Variants in MBOAT1 observed in about 807,000 individuals in gnomAD.
MBOAT1 encodes the protein membrane-bound glycerophospholipid O-acyltransferase 1.
In MBOAT1, 67 loss-of-function variants were observed where a neutral mutation model predicts 64.4. That is an observed-to-expected ratio of 1.04 (90% CI 0.85 to 1.27). The LOEUF is 1.27. Ranked by LOEUF, MBOAT1 falls within the 50% of genes most tolerant of loss-of-function variation. The pLI, the probability that MBOAT1 is intolerant of heterozygous loss-of-function variation, is 0.00. For synonymous variants in MBOAT1, 229 were observed against 218.9 expected (o/e 1.05, Z -0.41); for missense variants, 563 against 604.6 (o/e 0.93, Z 0.72).
rs70990010 is a variant in MBOAT1, at chr6:20,139,546, C to CTT, written c.419+4672_419+4673dup. On this transcript the variant is annotated intron_variant, in intron 4 of 12. Transcript: ENST00000324607. ...CACAAAAATACACTCACATTTTAAC[C>CTT]TTTTTTTTTTTTTTTTTTTTTTTTT... 6.1e-3 allele frequency among the ~76,000 whole-genome samples: 423 copies of CTT among 69,228 alleles called. 34 individuals carry two copies. The highest frequency in any genetic ancestry group is 0.017 in the African/African-American group (314 of 18,480). The allele number at this position is 69,228 out of a possible 152,430, so 45.4% of individuals were successfully genotyped here.
chr6:20,149,352 C>A (rs1228728882), intron 3 of MBOAT1, among the ~76,000 whole-genome samples: 6 of 152,054 alleles, frequency 3.9e-5, no homozygotes, highest in Non-Finnish European at 5.9e-5. Flanking sequence ...GAAAAATGGA[C>A]CACATCCCAT....
At chr6:20,181,703 C>G (rs1418284098) in intron 1 of MBOAT1, among the ~76,000 whole-genome samples, 1 of 152,214 alleles carries the variant, frequency 6.6e-6, no homozygotes, top group South Asian at 2.1e-4. Context: ...AACACACACC[C>G]TGTGGGTGTC....
intron 7 of MBOAT1, chr6:20,125,760 C>T (rs1024151039): frequency 3.1e-6 from 1 of 323,212 alleles, no homozygotes; most frequent in African/African-American, 2.2e-5. Context: ...AAAACTCATA[C>T]CTAATTAATA....
rs1759782472 is a variant in MBOAT1, at chr6:20,101,373, A to G, written c.*913T>C. On this transcript the variant is annotated 3_prime_UTR_variant, in exon 13 of 13. Coordinates refer to ENST00000324607, the MANE Select transcript of MBOAT1 (RefSeq NM_001080480.3). ...AAGGTTACATTCCTGGAAAGAAAAT[A>G]CAGCCTATTTGAGGGCATGCCTGAC... 6.6e-6 allele frequency among the ~76,000 whole-genome samples: 1 copy of G among 152,212 alleles called. No homozygotes were observed. Among genetic ancestry groups the G allele is most frequent in the African/African-American group, 2.4e-5 (1 of 41,456 alleles).
At chr6:20,119,878 G>A (rs779340854) in intron 8 of MBOAT1, among the ~76,000 whole-genome samples, 27 of 152,124 alleles carry the variant, frequency 1.8e-4, no homozygotes, top group Admixed American at 3.3e-4. Flanking sequence ...CAGGCTGACC[G>A]TCACTGGGAC....
chr6:20,117,289 A>G (rs2113639688), intron 9 of MBOAT1, among the ~76,000 whole-genome samples: 1 of 152,334 alleles, frequency 6.6e-6, no homozygotes, highest in South Asian at 2.1e-4. Flanking sequence ...GCCCTCAATT[A>G]ATATCTGTTG....
chr6:20,169,242 G>C (rs866955082), intron 1 of MBOAT1, among the ~76,000 whole-genome samples: 10 of 152,086 alleles, frequency 6.6e-5, no homozygotes, highest in African/African-American at 1.2e-4. Flanking sequence ...AACACCCCAG[G>C]GTGTGGCCAA....
chr6:20,168,697 G>A (rs1486455270), intron 1 of MBOAT1, among the ~76,000 whole-genome samples: 1 of 136,718 alleles, frequency 7.3e-6, no homozygotes, highest in Admixed American at 7.5e-5. Flanking sequence ...AAGAAGAAGA[G>A]AGGAGAGGAG....
intron 10 of MBOAT1, 42 bp downstream of exon 10, chr6:20,115,246 T>C: frequency 1.4e-6 from 2 of 1,472,580 alleles, no homozygotes; most frequent in Non-Finnish European, 1.9e-6. Context: ...TCTGAACATA[T>C]CCCAGTGCCC....
chr6:20,196,588 C>T (rs1762960400), intron 1 of MBOAT1, among the ~76,000 whole-genome samples: 1 of 152,150 alleles, frequency 6.6e-6, no homozygotes, highest in African/African-American at 2.4e-5. Context: ...GCACCAGGTG[C>T]AGTGGCTCAC....
chr6:20,211,244 G>A (rs1286911527), intron 1 of MBOAT1, among the ~76,000 whole-genome samples: 1 of 152,172 alleles, frequency 6.6e-6, no homozygotes, highest in African/African-American at 2.4e-5. Context: ...AGGAGCACTG[G>A]TGAGAGGAAG....
rs765262767 is a variant in MBOAT1, at chr6:20,152,675, T to C, written c.194A>G (p.His65Arg). Residue 65 changes from histidine to arginine, a missense_variant, in exon 2 of 13, where the codon CAT becomes CGT. His to Arg is a conservative substitution (Grantham distance 29). Transcript: ENST00000324607. Reference sequence around the variant, plus strand: ...GATGCCAAAAATGGTGGCAACCGCATGCCGGACATCAGAGCTGGTTGTACC... The same window carrying C: ...GATGCCAAAAATGGTGGCAACCGCACGCCGGACATCAGAGCTGGTTGTACC... Reference protein sequence around the residue: ...RPGTTSSDVRHAVATIFGIYF... With the variant: ...RPGTTSSDVRRAVATIFGIYF... 6.2e-7 allele frequency: 1 copy of C among 1,612,040 alleles called. No homozygotes were observed. Among genetic ancestry groups the C allele is most frequent in the Non-Finnish European group, 8.5e-7 (1 of 1,178,638 alleles).
At chr6:20,161,645 C>T (rs1761864619) in intron 1 of MBOAT1, among the ~76,000 whole-genome samples, 2 of 152,166 alleles carry the variant, frequency 1.3e-5, no homozygotes, top group Admixed American at 6.6e-5. Context: ...CTCACTCCCA[C>T]TTTACACAGG....
In MBOAT1 at chr6:20,169,729, A is replaced by C. The variant is rs532669595; in HGVS notation, c.100-16960T>G. ...TATAGGTTTTTAAAAACTTAATAAT[A>C]AACACGTTTTCCTGTGGTGCCTATT... On this transcript the variant is annotated intron_variant, in intron 1 of 12. Coordinates refer to ENST00000324607, the MANE Select transcript of MBOAT1 (RefSeq NM_001080480.3). 5.9e-5 allele frequency among the ~76,000 whole-genome samples: 9 copies of C among 152,306 alleles called. No homozygotes were observed. The East Asian group carries it at 1.7e-3, about 29-fold the overall frequency.
chr6:20,201,629 G>A (rs1379382361), intron 1 of MBOAT1, among the ~76,000 whole-genome samples: 1 of 149,658 alleles, frequency 6.7e-6, no homozygotes, highest in East Asian at 1.9e-4. Flanking sequence ...CGTCCAGGCT[G>A]GAGTGCAGTG....
intron 7 of MBOAT1, 35 bp from the exon 8 acceptor site, chr6:20,124,635 A>G (rs764114370): frequency 6.2e-7 from 1 of 1,604,834 alleles, no homozygotes; most frequent in East Asian, 2.2e-5. Context: ...CACCGTGCAG[A>G]AGGCTCAGGT....
At chr6:20,207,111 T>A (rs1430469410) in intron 1 of MBOAT1, among the ~76,000 whole-genome samples, 1 of 152,200 alleles carries the variant, frequency 6.6e-6, no homozygotes, top group African/African-American at 2.4e-5. Flanking sequence ...TATTCATCCG[T>A]CTAAAAATGT....
At chr6:20,150,465 T>C (rs1761456895) in intron 3 of MBOAT1, among the ~76,000 whole-genome samples, 1 of 152,070 alleles carries the variant, frequency 6.6e-6, no homozygotes, top group Non-Finnish European at 1.5e-5. Context: ...TTTTCTAGAA[T>C]AGAATTTGTG....
intron 3 of MBOAT1, among the ~76,000 whole-genome samples, chr6:20,149,088 G>A (rs1427998787): frequency 3.6e-5 from 5 of 140,378 alleles, no homozygotes. Context: ...GCAACAGAGT[G>A]AGACTCTGTC....
Sources: gnomAD v4.1 joint callset for allele counts (sites outside exome capture counted in the v4.1 genomes callset) on GRCh38, gnomAD v4.1.1 for gene constraint, MANE v1.5 for transcripts, NCBI Gene and HGNC (gene_info 2026-07-23, HGNC 2026-07-21) for gene names.